BNC2: variants seen among roughly 807,000 people sequenced by gnomAD.
BNC2 encodes the protein zinc finger protein basonuclin-2.
BNC2 carries 20 observed loss-of-function variants against 76.3 expected under a neutral mutation model. That is an observed-to-expected ratio of 0.26 (90% CI 0.18 to 0.38). The LOEUF (loss-of-function observed/expected upper bound fraction) is 0.38. Ranked by LOEUF, BNC2 falls within the 10% of genes least tolerant of loss-of-function variation. BNC2 has a pLI of 1.00. For synonymous variants in BNC2, 582 were observed against 514.8 expected, an observed-to-expected ratio of 1.13 and a Z score of -1.77; for missense variants, 1,382 against 1,399.8, an observed-to-expected ratio of 0.99 and a Z score of 0.20.
At chr9:16,424,973 T>C (rs1820776779) in intron 6 of BNC2, among the ~76,000 whole-genome samples, 1 of 152,170 alleles carries the variant, frequency 6.6e-6, no homozygotes, top group African/African-American at 2.4e-5. Context: ...GTTCTACAGG[T>C]TATTATTTAA....
intron 4 of BNC2, among the ~76,000 whole-genome samples, chr9:16,572,919 T>C (rs1367967969): frequency 6.6e-6 from 1 of 152,104 alleles, no homozygotes; most frequent in African/African-American, 2.4e-5. Flanking sequence ...AGCCTACGAT[T>C]ACCACGTCTA....
chr9:16,815,088 G>C (rs1341214203), intron 1 of BNC2, among the ~76,000 whole-genome samples: 1 of 152,102 alleles, frequency 6.6e-6, no homozygotes, highest in Non-Finnish European at 1.5e-5. Flanking sequence ...ACTTACACTC[G>C]TTTGACCAGC....
intron 1 of BNC2, among the ~76,000 whole-genome samples, chr9:16,797,186 G>A (rs980611755): frequency 1.3e-5 from 2 of 151,846 alleles, no homozygotes; most frequent in Non-Finnish European, 2.9e-5. Flanking sequence ...ATCCCATAAG[G>A]TAGCTACTAC....
At chr9:16,706,047 T>C (rs1239753350) in intron 3 of BNC2, among the ~76,000 whole-genome samples, 3 of 152,260 alleles carry the variant, frequency 2.0e-5, no homozygotes, top group African/African-American at 4.8e-5. Flanking sequence ...AAAAAGTATG[T>C]ATACCAAATG....
chr9:16,586,600 T>A (rs576626986), intron 3 of BNC2, among the ~76,000 whole-genome samples: 5 of 35,022 alleles, frequency 1.4e-4, no homozygotes, highest in African/African-American at 3.2e-4. Context: ...AACTGCTCTC[T>A]CCTCTCTCTC....
chr9:16,700,897 C>T (rs1175635358), intron 3 of BNC2, among the ~76,000 whole-genome samples: 3 of 152,064 alleles, frequency 2.0e-5, no homozygotes, highest in South Asian at 2.1e-4. Context: ...AACCTGAGAT[C>T]GGGCCCCTGC....
intron 3 of BNC2, among the ~76,000 whole-genome samples, chr9:16,707,382 T>C (rs1823710978): frequency 1.3e-5 from 2 of 152,158 alleles, no homozygotes; most frequent in Admixed American, 6.5e-5. Flanking sequence ...CAGAGGTTAA[T>C]TTCTATTTTA....
chr9:16,632,367 A>G (rs550809378), intron 3 of BNC2, among the ~76,000 whole-genome samples: 1 of 152,256 alleles, frequency 6.6e-6, no homozygotes, highest in East Asian at 1.9e-4. Flanking sequence ...AGCACAAACA[A>G]AAAAACTGGC....
chr9:16,685,630 T>C, intron 3 of BNC2: 1 of 1,304,172 alleles, frequency 7.7e-7, no homozygotes, highest in Non-Finnish European at 1.0e-6. Context: ...CAATGGAACC[T>C]GAGGGAATAC....
intron 1 of BNC2, among the ~76,000 whole-genome samples, chr9:16,787,809 C>T (rs1254501339): frequency 1.3e-5 from 2 of 152,116 alleles, no homozygotes; most frequent in Non-Finnish European, 2.9e-5. Flanking sequence ...GTTCAGCGTC[C>T]CAAAGTGCTA....
intron 3 of BNC2, among the ~76,000 whole-genome samples, chr9:16,696,608 T>C (rs558168356): frequency 6.6e-6 from 1 of 152,320 alleles, no homozygotes; most frequent in African/African-American, 2.4e-5. Context: ...AACTAACTTA[T>C]TTCTCTTTGT....
rs1417585853 is a variant in BNC2 at position 16,780,097 on chromosome 9, G to A, written c.4-41612C>T. Among the ~76,000 whole-genome samples, 32 of 151,378 alleles carry A rather than the reference G, an allele frequency of 2.1e-4. No homozygotes were observed. In the East Asian group the frequency reaches 4.3e-3, roughly 21 times the overall value. ...TAAAAATACAAAAAATTAGCCGGGC[G>A]CGGTGGCGGGTGCCTGTAGTCCCAG... On this transcript the variant is annotated intron_variant, in intron 1 of 6. Transcript: ENST00000380672.
chr9:16,745,117 G>A (rs565462832), intron 1 of BNC2, among the ~76,000 whole-genome samples: 23 of 152,294 alleles, frequency 1.5e-4, no homozygotes, highest in South Asian at 1.2e-3. Context: ...GGAAATAAAA[G>A]TACCTGTTCA....
intron 3 of BNC2, among the ~76,000 whole-genome samples, chr9:16,665,929 T>C (rs1294076012): frequency 1.3e-5 from 2 of 152,220 alleles, no homozygotes; most frequent in Non-Finnish European, 2.9e-5. Flanking sequence ...TTTTCAGTCA[T>C]ACTTGCAATA....
intron 5 of BNC2, among the ~76,000 whole-genome samples, chr9:16,440,676 G>C (rs539644380): frequency 6.6e-6 from 1 of 152,128 alleles, no homozygotes; most frequent in Non-Finnish European, 1.5e-5. Flanking sequence ...CTACAGTACA[G>C]AGCAGTCCCA....
chr9:16,722,404 T>C (rs906262409), intron 3 of BNC2, among the ~76,000 whole-genome samples: 1 of 152,166 alleles, frequency 6.6e-6, no homozygotes, highest in African/African-American at 2.4e-5. Flanking sequence ...TAATCAGATT[T>C]CCATAAAGCT....
At chr9:16,455,124 C>G (rs1821418882) in intron 5 of BNC2, among the ~76,000 whole-genome samples, 1 of 152,144 alleles carries the variant, frequency 6.6e-6, no homozygotes, top group South Asian at 2.1e-4. Context: ...AGACTAGAGG[C>G]AATTTCCAAT....
intron 5 of BNC2, among the ~76,000 whole-genome samples, chr9:16,468,393 TTTTTTTA>T (rs1214662383): frequency 6.6e-6 from 1 of 152,042 alleles, no homozygotes; most frequent in Admixed American, 6.5e-5. Context: ...TATCTTTATT[TTTTTTTA>T]TTTTTTATTT....
intron 6 of BNC2, among the ~76,000 whole-genome samples, chr9:16,422,932 C>G (rs562676954): frequency 6.6e-6 from 1 of 152,268 alleles, no homozygotes; most frequent in Non-Finnish European, 1.5e-5. Context: ...AGGACTATTA[C>G]AAGTTTATCC....
Sources: gnomAD v4.1 joint callset for allele counts (sites outside exome capture counted in the v4.1 genomes callset) on GRCh38, gnomAD v4.1.1 for gene constraint, MANE v1.5 for transcripts, NCBI Gene and HGNC (gene_info 2026-07-23, HGNC 2026-07-21) for gene names.